The following CEP85L variants were observed in gnomAD, a reference collection of about 807,000 sequenced individuals.
The protein encoded by CEP85L is centrosomal protein 85L.
A neutral mutation model predicts 100.3 loss-of-function variants in CEP85L; 60 were observed. The ratio of observed to expected loss-of-function variants is 0.60; its 90% confidence interval spans 0.49 to 0.74. The LOEUF is 0.74. CEP85L is among the 30% of genes least tolerant of loss of function. The probability of loss-of-function intolerance (pLI) is 0.00; values close to 1 mark genes in which losing one functional copy is unlikely to be tolerated. For missense variants in CEP85L, 973 were observed against 936.2 expected (o/e 1.04, Z -0.51); for synonymous variants, 319 against 322.7 (o/e 0.99, Z 0.12).
intron 2 of CEP85L, among the ~76,000 whole-genome samples, chr6:118,577,923 A>C (rs1780337768): frequency 6.6e-6 from 1 of 152,210 alleles, no homozygotes; most frequent in Non-Finnish European, 1.5e-5. Context: ...GGATTAGTGC[A>C]AAGGCTTATA....
chr6:118,485,803 G>T (rs976174153), intron 6 of CEP85L, among the ~76,000 whole-genome samples: 1 of 152,182 alleles, frequency 6.6e-6, no homozygotes, highest in African/African-American at 2.4e-5. Flanking sequence ...CATCAACCAA[G>T]CCTGCTCTTG....
intron 2 of CEP85L, among the ~76,000 whole-genome samples, chr6:118,574,236 T>A (rs1017376241): frequency 2.0e-5 from 3 of 152,160 alleles, no homozygotes; most frequent in African/African-American, 4.8e-5. Flanking sequence ...CCTCCTCCCC[T>A]CCTCTCTTAG....
At position 118,483,855 on chromosome 6, in the gene CEP85L, T is replaced by A; in HGVS notation, c.1441A>T (p.Lys481Ter). ...CTACTGATGTATCGATCTCTAGTTT[T>A]AAGCTAAAAGCAAACAATTATGAAC... ...EEKKKLEEKL[K>*]TRDRYISSLK... The change falls in exon 7 of 13, where the codon AAA becomes TAA. Residue 481 changes from lysine (K) to a stop codon, truncating the protein, a stop_gained. Coordinates refer to ENST00000368491, the MANE Select transcript of CEP85L (RefSeq NM_001042475.3). LOFTEE classifies it high-confidence loss of function. The A allele has an allele frequency of 6.2e-7, 1 of 1,612,010 alleles. No individual in the cohort carries two copies. Among genetic ancestry groups the A allele is most frequent in the Non-Finnish European group, 8.5e-7 (1 of 1,179,428 alleles).
At chr6:118,515,574 A>G (rs1776224551) in intron 4 of CEP85L, among the ~76,000 whole-genome samples, 1 of 152,238 alleles carries the variant, frequency 6.6e-6, no homozygotes, top group Admixed American at 6.5e-5. Context: ...TTAAATCAGA[A>G]AACAATTACA....
At chr6:118,597,960 TAAG>T (rs956326594) in intron 2 of CEP85L, among the ~76,000 whole-genome samples, 2 of 152,206 alleles carry the variant, frequency 1.3e-5, no homozygotes, top group Non-Finnish European at 2.9e-5. Flanking sequence ...TCAGTGACTA[TAAG>T]AAGATTATTG....
chr6:118,566,913 T>A (rs796404065), intron 2 of CEP85L, among the ~76,000 whole-genome samples: 30 of 152,238 alleles, frequency 2.0e-4, no homozygotes, highest in African/African-American at 6.3e-4. Context: ...CTAATTAAAG[T>A]ATTGTACCTT....
intron 1 of CEP85L, among the ~76,000 whole-genome samples, chr6:118,678,941 A>G (rs1158201125): frequency 6.6e-6 from 1 of 152,200 alleles, no homozygotes; most frequent in Non-Finnish European, 1.5e-5. Context: ...TATTAAATGA[A>G]TGAATGCATA....
chr6:118,537,436 T>A, intron 3 of CEP85L: 1 of 859,208 alleles, frequency 1.2e-6, no homozygotes, highest in Non-Finnish European at 1.4e-6. Context: ...TACCTAAAAA[T>A]GCATATGACA....
intron 3 of CEP85L, among the ~76,000 whole-genome samples, chr6:118,560,966 C>T (rs1562261966): frequency 6.6e-6 from 1 of 152,060 alleles, no homozygotes; most frequent in Non-Finnish European, 1.5e-5. Context: ...TGTAATTAAC[C>T]ATATCTTCTA....
intron 5 of CEP85L, among the ~76,000 whole-genome samples, chr6:118,510,363 A>G (rs924389026): frequency 2.0e-5 from 3 of 152,000 alleles, no homozygotes; most frequent in Non-Finnish European, 4.4e-5. Context: ...TTATATATAC[A>G]GGGCTCCAAA....
intron 2 of CEP85L, among the ~76,000 whole-genome samples, chr6:118,600,793 G>T (rs1781744512): frequency 8.6e-6 from 1 of 116,504 alleles, no homozygotes. Context: ...TCAGAGGGTT[G>T]TCTTTTTTAA....
intron 1 of CEP85L, among the ~76,000 whole-genome samples, chr6:118,702,778 C>A (rs564580378): frequency 6.6e-6 from 1 of 152,078 alleles, no homozygotes; most frequent in Non-Finnish European, 1.5e-5. Context: ...AGGCGGATCA[C>A]GAAGTCAGGA....
chr6:118,688,982 T>G (rs1448140180), intron 1 of CEP85L, among the ~76,000 whole-genome samples: 1 of 152,230 alleles, frequency 6.6e-6, no homozygotes, highest in African/African-American at 2.4e-5. Context: ...TTCCTTCAAA[T>G]GGAAAGCTCT....
In CEP85L at chr6:118,536,550, C is replaced by G. The variant is rs866253048; in HGVS notation, c.1021-12630G>C. ...AGAAGTATTGAAGGGAAATAAAGGC[C>G]TCATCTGCTAGAAGAGAATCCTTAA... is the stretch of plus-strand genomic sequence containing the variant. On this transcript the variant is annotated intron_variant, in intron 3 of 12. Coordinates refer to ENST00000368491, the MANE Select transcript of CEP85L (RefSeq NM_001042475.3). Among the ~76,000 whole-genome samples the G allele has an allele frequency of 3.3e-5, 5 of 152,118 alleles. No homozygotes were observed. In the Middle Eastern group the frequency reaches 0.014, roughly 414 times the overall value.
intron 1 of CEP85L, among the ~76,000 whole-genome samples, chr6:118,687,796 C>T (rs1776884533): frequency 6.6e-6 from 1 of 152,208 alleles, no homozygotes; most frequent in South Asian, 2.1e-4. Context: ...CCACGACTGA[C>T]TTCCATCCCT....
intron 2 of CEP85L, among the ~76,000 whole-genome samples, chr6:118,595,821 A>G (rs918642872): frequency 6.6e-6 from 1 of 152,218 alleles, no homozygotes; most frequent in South Asian, 2.1e-4. Context: ...AAAAATTATC[A>G]CAACAAACCA....
intron 3 of CEP85L, among the ~76,000 whole-genome samples, chr6:118,562,933 C>T (rs910516153): frequency 2.6e-5 from 4 of 152,146 alleles, no homozygotes; most frequent in Non-Finnish European, 4.4e-5. Context: ...GTTTATCCTC[C>T]ATCCCTTCCA....
chr6:118,601,834 G>A (rs780291826), intron 2 of CEP85L, among the ~76,000 whole-genome samples: 64 of 152,112 alleles, frequency 4.2e-4, no homozygotes, highest in Non-Finnish European at 1.9e-4. Context: ...AAATCTCGTC[G>A]CCATTTTGGT....
chr6:118,606,298 G>A (rs191695018), intron 2 of CEP85L, among the ~76,000 whole-genome samples: 2 of 152,278 alleles, frequency 1.3e-5, no homozygotes, highest in Non-Finnish European at 2.9e-5. Context: ...GGTGCTGAGA[G>A]AAAGGAAAAT....
Sources: allele counts gnomAD v4.1 joint callset (sites outside exome capture counted in the v4.1 genomes callset), GRCh38; gene constraint gnomAD v4.1.1; transcripts MANE v1.5; gene names NCBI Gene and HGNC (gene_info 2026-07-23, HGNC 2026-07-21).